Variants in SRD5A2 observed in about 807,000 individuals in gnomAD.
The protein encoded by SRD5A2 is steroid 5 alpha-reductase 2.
SRD5A2 carries 30 observed loss-of-function variants against 27.4 expected under a neutral mutation model. That is an observed-to-expected ratio of 1.10 (90% confidence interval 0.82 to 1.49). SRD5A2 has a LOEUF of 1.49. Ranked by LOEUF, SRD5A2 falls within the 40% of genes most tolerant of loss-of-function variation. The pLI, the probability that SRD5A2 is intolerant of heterozygous loss-of-function variation, is 0.00. For synonymous variants in SRD5A2, 141 were observed against 133.6 expected, an observed-to-expected ratio of 1.06 and a Z score of -0.38; for missense variants, 348 against 323.4, an observed-to-expected ratio of 1.08 and a Z score of -0.58.
chr2:31,533,461 A>T, intron 2 of SRD5A2, 142 bp downstream of exon 2: 1 of 687,568 alleles, frequency 1.5e-6, no homozygotes, highest in Non-Finnish European at 2.4e-6. Context: ...GCTACCATAT[A>T]GAGAAAAGAT....
the SRD5A2 span, among the ~76,000 whole-genome samples, chr2:31,625,126 T>G: frequency 6.6e-6 from 1 of 152,250 alleles, no homozygotes; most frequent in East Asian, 1.9e-4. Context: ...ATGAGCATTT[T>G]TTCATATGTC....
chr2:31,553,687 T>C (rs1332603456), intron 1 of SRD5A2, among the ~76,000 whole-genome samples: 2 of 152,200 alleles, frequency 1.3e-5, no homozygotes, highest in African/African-American at 4.8e-5. Flanking sequence ...CACAGAATAC[T>C]ACTCTGCAAT....
chr2:31,628,266 G>A, the SRD5A2 span, among the ~76,000 whole-genome samples: 7 of 151,904 alleles, frequency 4.6e-5, no homozygotes, highest in Non-Finnish European at 8.8e-5. Context: ...TTTAAAGTCT[G>A]TTTCTTCTGA....
the SRD5A2 span, among the ~76,000 whole-genome samples, chr2:31,604,456 G>A: frequency 1.3e-5 from 2 of 151,888 alleles, no homozygotes; most frequent in Admixed American, 6.6e-5. Context: ...ATTCAGTTAA[G>A]TTGCAGAATA....
At chr2:31,574,820 G>T (rs73922394) in intron 1 of SRD5A2, among the ~76,000 whole-genome samples, 1 of 152,178 alleles carries the variant, frequency 6.6e-6, no homozygotes, top group Non-Finnish European at 1.5e-5. Context: ...TTCTTTAGAA[G>T]GGATTGGTAA....
the SRD5A2 span, among the ~76,000 whole-genome samples, chr2:31,637,225 T>C: frequency 6.6e-6 from 1 of 152,196 alleles, no homozygotes; most frequent in Non-Finnish European, 1.5e-5. Flanking sequence ...CAGGAATTTA[T>C]CCATTTCCTC....
intron 1 of SRD5A2, among the ~76,000 whole-genome samples, chr2:31,568,001 G>A (rs917401864): frequency 6.6e-6 from 1 of 152,156 alleles, no homozygotes; most frequent in African/African-American, 2.4e-5. Flanking sequence ...ACTGGTTGCT[G>A]GGCAAGGCAA....
At chr2:31,589,838 G>A in the SRD5A2 span, among the ~76,000 whole-genome samples, 1 of 152,150 alleles carries the variant, frequency 6.6e-6, no homozygotes, top group African/African-American at 2.4e-5. Flanking sequence ...AGCCCTGCTT[G>A]CTTTCTCAGT....
At chr2:31,659,249 G>A in the SRD5A2 span, among the ~76,000 whole-genome samples, 2 of 152,028 alleles carry the variant, frequency 1.3e-5, no homozygotes, top group African/African-American at 2.4e-5. Context: ...AAAACTGTAA[G>A]CATTCCCCTT....
chr2:31,541,992 C>T (rs1272877436), intron 1 of SRD5A2, among the ~76,000 whole-genome samples: 1 of 152,208 alleles, frequency 6.6e-6, no homozygotes, highest in Non-Finnish European at 1.5e-5. Flanking sequence ...CCTAAACAAA[C>T]TTGAGAGGCA....
At chr2:31,567,195 T>A (rs1666747500) in intron 1 of SRD5A2, among the ~76,000 whole-genome samples, 1 of 152,182 alleles carries the variant, frequency 6.6e-6, no homozygotes, top group Admixed American at 6.5e-5. Context: ...TTCTTCCTTT[T>A]GGATTATTTC....
At chr2:31,644,141 G>A in the SRD5A2 span, among the ~76,000 whole-genome samples, 364 of 152,274 alleles carry the variant, frequency 2.4e-3, 2 homozygotes, top group Admixed American at 0.013. Flanking sequence ...CATCACTTCC[G>A]TGCTAATCCT....
the SRD5A2 span, among the ~76,000 whole-genome samples, chr2:31,632,619 C>T: frequency 5.3e-5 from 8 of 152,130 alleles, no homozygotes; most frequent in Non-Finnish European, 8.8e-5. Context: ...ACGGCCTTCT[C>T]GGTCTTATTC....
intron 1 of SRD5A2, among the ~76,000 whole-genome samples, chr2:31,541,522 A>G (rs1666128050): frequency 6.6e-6 from 1 of 152,190 alleles, no homozygotes; most frequent in Non-Finnish European, 1.5e-5. Flanking sequence ...GTGGAGCAAG[A>G]TGGCCAAACT....
At chr2:31,592,489 C>G in the SRD5A2 span, among the ~76,000 whole-genome samples, 1 of 152,212 alleles carries the variant, frequency 6.6e-6, no homozygotes, top group Non-Finnish European at 1.5e-5. Context: ...CACTGGCATT[C>G]ACAGCTGAGA....
At chr2:31,601,969 C>T in the SRD5A2 span, among the ~76,000 whole-genome samples, 1 of 152,004 alleles carries the variant, frequency 6.6e-6, no homozygotes, top group South Asian at 2.1e-4. Flanking sequence ...TCGGCAAAAG[C>T]TGGAAGCATT....
chr2:31,641,914 A>G, the SRD5A2 span, among the ~76,000 whole-genome samples: 1 of 152,120 alleles, frequency 6.6e-6, no homozygotes, highest in East Asian at 1.9e-4. Context: ...CTAAGCTTAT[A>G]TGGAAAAGCA....
chr2:31,558,895 A>T (rs1666556583), intron 1 of SRD5A2, among the ~76,000 whole-genome samples: 1 of 152,240 alleles, frequency 6.6e-6, no homozygotes. Flanking sequence ...ACCTAACAAC[A>T]CATTACTCAG....
intron 1 of SRD5A2, among the ~76,000 whole-genome samples, chr2:31,544,125 T>C (rs887415082): frequency 2.6e-5 from 4 of 152,012 alleles, no homozygotes; most frequent in Admixed American, 6.5e-5. Context: ...AGGTTCAGTA[T>C]AGCAAGAAGA....
Sources: gnomAD v4.1 joint callset for allele counts (sites outside exome capture counted in the v4.1 genomes callset) on GRCh38, gnomAD v4.1.1 for gene constraint, MANE v1.5 for transcripts, NCBI Gene and HGNC (gene_info 2026-07-23, HGNC 2026-07-21) for gene names.